INTS5: variants seen among roughly 807,000 people sequenced by gnomAD.
INTS5 encodes the protein integrator complex subunit 5.
INTS5 carries 29 observed loss-of-function variants against 60.0 expected under a neutral mutation model. That is an observed-to-expected ratio of 0.48 (90% confidence interval 0.36 to 0.66). The LOEUF (loss-of-function observed/expected upper bound fraction) is 0.66, where lower values mean the gene tolerates loss of function less well. INTS5 is among the 30% of genes least tolerant of loss of function. The pLI, the probability that INTS5 is intolerant of heterozygous loss-of-function variation, is 0.00. For synonymous variants in INTS5, 588 were observed against 558.8 expected, an observed-to-expected ratio of 1.05 and a Z score of -0.74; for missense variants, 1,129 against 1,307.9, an observed-to-expected ratio of 0.86 and a Z score of 2.11.
chr11:62,651,104 C>T (rs895590014), intron 1 of INTS5, among the ~76,000 whole-genome samples: 1 of 151,762 alleles, frequency 6.6e-6, no homozygotes, highest in Non-Finnish European at 1.5e-5. Context: ...TCAATAAAAG[C>T]TATGTTTCTT....
intron 1 of INTS5, among the ~76,000 whole-genome samples, chr11:62,652,717 T>C (rs1248312694): frequency 1.3e-5 from 2 of 152,160 alleles, no homozygotes; most frequent in Non-Finnish European, 2.9e-5. Context: ...CAGCATCCTC[T>C]AGGTGCTGAT....
chr11:62,650,576 C>T (rs1944585814), intron 1 of INTS5, among the ~76,000 whole-genome samples: 1 of 152,118 alleles, frequency 6.6e-6, no homozygotes, highest in Non-Finnish European at 1.5e-5. Context: ...CCATACCCGG[C>T]TAATTTTTGT....
chr11:62,647,781 G>C lies in INTS5; in HGVS notation c.2299C>G (p.Arg767Gly). Residue 767 changes from arginine (R) to glycine (G), a missense_variant, in exon 2 of 2, where the codon CGA (arginine) becomes GGA (glycine). Physicochemically the swap from Arg to Gly is moderately radical, Grantham distance 125. Transcript: ENST00000330574. ...GLKPPKFVQSRNQQEVIYNTQ... is the reference protein window; with the variant it reads ...GLKPPKFVQSGNQQEVIYNTQ... ...TTATAGATCACTTCCTGCTGATTTC[G>C]TGACTGGACAAACTTGGGTGGCTTT... The C allele has an allele frequency of 6.2e-7, 1 of 1,614,216 alleles. No homozygotes were observed. The highest frequency in any genetic ancestry group is 8.5e-7 in the Non-Finnish European group (1 of 1,180,054).
At position 62,648,233 on chromosome 11, in the gene INTS5, T is replaced by C; in HGVS notation, c.1847A>G (p.His616Arg). 1 of 1,613,718 alleles carries C rather than the reference T, an allele frequency of 6.2e-7. No homozygotes were observed. The highest frequency in any genetic ancestry group is 8.5e-7 in the Non-Finnish European group (1 of 1,179,954). ...AGCTTCAGCTACTTCCTCCTCAGGA[T>C]GTAGCAGGAGAGGAGCCAGGTCAGA... ...HLSDLAPLLL[H>R]PEEEVAEAAA... The change falls in exon 2 of 2, where the codon CAT becomes CGT. Residue 616 changes from histidine (H) to arginine (R), a missense_variant. Physicochemically the swap from His to Arg is conservative, Grantham distance 29. Around this residue, in one of 3 missense-constraint regions of INTS5, gnomAD observed 1,070 missense variants for 1,246.1 expected, o/e 0.86. Transcript: ENST00000330574. This position sits in a 1 kb window ranked among gnomAD's most constrained non-coding sequence, Gnocchi z 4.4.
At position 62,649,021 on chromosome 11, in the gene INTS5, G is replaced by T; in HGVS notation, c.1059C>A (p.Gly353=). 1.2e-6 allele frequency: 2 copies of T among 1,612,888 alleles called. No individual in the cohort carries two copies. The highest frequency in any genetic ancestry group is 1.7e-6 in the Non-Finnish European group (2 of 1,179,306). Residue 353 remains glycine, a synonymous_variant, in exon 2 of 2, where the codon GGC becomes GGA. Coordinates refer to ENST00000330574, the MANE Select transcript of INTS5 (RefSeq NM_030628.2). The surrounding 1 kb of genome is among the most constrained non-coding windows in gnomAD (Gnocchi z 6.0). ...QLAVMSPALL[G]TVSGELVDCL... ...AATCCACAAGCTCTCCAGAGACAGTGCCCAGCAAAGCTGGTGACATGACTG... is the reference window on the plus strand; with the variant it reads ...AATCCACAAGCTCTCCAGAGACAGTTCCCAGCAAAGCTGGTGACATGACTG...
At chr11:62,652,165 C>CAAAA (rs559845253) in intron 1 of INTS5, among the ~76,000 whole-genome samples, 1 of 131,046 alleles carries the variant, frequency 7.6e-6, no homozygotes, top group Non-Finnish European at 1.6e-5. Context: ...ATTAAAAATA[C>CAAAA]AAAAAAAAAA....
rs375771026 is a variant in INTS5, at chr11:62,648,962, T to C, written c.1118A>G (p.Gln373Arg). The C allele has an allele frequency of 3.7e-6, 6 of 1,612,552 alleles. No homozygotes were observed. The highest frequency in any genetic ancestry group is 5.1e-6 in the Non-Finnish European group (6 of 1,179,272). The stretch of plus-strand genomic sequence containing the variant: ...TCGGGGGAATCCTTGAAGGTGTTGC[T>C]GCAGCTGGCTCAGCACAGCTGGGGG... ...LKPPAVLSQL[Q>R]QHLQGFPREE... The change falls in exon 2 of 2, where the codon CAG becomes CGG. Residue 373 changes from glutamine (Q) to arginine (R), a missense_variant. Physicochemically the swap from Gln to Arg is conservative, Grantham distance 43. This residue lies in a region of INTS5 where 1,070 missense variants were observed against 1,246.1 expected (regional missense o/e 0.86). Transcript: ENST00000330574. This position sits in a 1 kb window ranked among gnomAD's most constrained non-coding sequence, Gnocchi z 4.4.
At chr11:62,653,105 C>T in intron 1 of INTS5, 65 bp downstream of exon 1, 1 of 1,034,336 alleles carries the variant, frequency 9.7e-7, no homozygotes, top group Non-Finnish European at 1.3e-6. Context: ...CGGGTTTCTA[C>T]CGAGAAGGCT....
In INTS5 at chr11:62,647,319, G is replaced by A; in HGVS notation, c.2761C>T (p.Pro921Ser). ...TCATGCATATTACCCAGGGCCGGAG[G>A]CAGGAGGCTTCCCTCAGCCATGACA... ...VAVMAEGSLL[P>S]PALGNMHEVF... Residue 921 changes from proline to serine, a missense_variant, in exon 2 of 2, where the codon CCT becomes TCT. This residue lies in a region of INTS5 where 1,070 missense variants were observed against 1,246.1 expected (regional missense o/e 0.86). Coordinates refer to ENST00000330574, the MANE Select transcript of INTS5 (RefSeq NM_030628.2). The A allele has an allele frequency of 6.2e-7, 1 of 1,614,130 alleles. No homozygotes were observed. Among genetic ancestry groups the A allele is most frequent in the Non-Finnish European group, 8.5e-7 (1 of 1,180,044 alleles).
At position 62,649,627 on chromosome 11, in the gene INTS5, G is replaced by C. The variant is rs754216072; in HGVS notation, c.453C>G (p.Leu151=). The part of the protein sequence containing the change: ...APVISAWSID[L]MGQLSSTYSG... Reference sequence around the variant, plus strand: ...AGTACGTGCTGCTCAGTTGCCCCATGAGGTCAATGGACCATGCACTAATCA... The same window carrying C: ...AGTACGTGCTGCTCAGTTGCCCCATCAGGTCAATGGACCATGCACTAATCA... Residue 151 remains leucine, a synonymous_variant, in exon 2 of 2, where the codon CTC becomes CTG. Coordinates refer to ENST00000330574, the MANE Select transcript of INTS5 (RefSeq NM_030628.2). This position sits in a 1 kb window ranked among gnomAD's most constrained non-coding sequence, Gnocchi z 6.0. 6.2e-7 allele frequency: 1 copy of C among 1,614,174 alleles called. No homozygotes were observed. Among genetic ancestry groups the C allele is most frequent in the Non-Finnish European group, 8.5e-7 (1 of 1,180,034 alleles).
rs1451627401 is a variant in INTS5, at chr11:62,649,618, T to C, written c.462A>G (p.Gln154=). The C allele has an allele frequency of 1.2e-6, 2 of 1,614,122 alleles. No individual in the cohort carries two copies. Among genetic ancestry groups the C allele is most frequent in the East Asian group, 2.2e-5 (1 of 44,880 alleles). Residue 154 remains glutamine, a synonymous_variant, in exon 2 of 2, where the codon CAA becomes CAG. Coordinates refer to ENST00000330574, the MANE Select transcript of INTS5 (RefSeq NM_030628.2). The surrounding 1 kb of genome is among the most constrained non-coding windows in gnomAD (Gnocchi z 6.0). The part of the protein sequence containing the change: ...ISAWSIDLMG[Q]LSSTYSGQHQ... ...GCTGGCCTGAGTACGTGCTGCTCAGTTGCCCCATGAGGTCAATGGACCATG... is the reference window on the plus strand; with the variant it reads ...GCTGGCCTGAGTACGTGCTGCTCAGCTGCCCCATGAGGTCAATGGACCATG...
chr11:62,648,338 A>T lies in INTS5; in HGVS notation c.1742T>A (p.Leu581Gln), dbSNP rs1406327894. 1 of 1,613,962 alleles carries T rather than the reference A, an allele frequency of 6.2e-7. No homozygotes were observed. Among genetic ancestry groups the T allele is most frequent in the Admixed American group, 1.7e-5 (1 of 60,018 alleles). The change falls in exon 2 of 2, where the codon CTA becomes CAA. Residue 581 changes from leucine (L) to glutamine (Q), a missense_variant. Leu to Gln is a moderately radical substitution (Grantham distance 113). Transcript: ENST00000330574. The surrounding 1 kb of genome is among the most constrained non-coding windows in gnomAD (Gnocchi z 4.4). ...GCCACCCTGCTGTTCCCACCCTACT[A>T]GCAGTGCCAAGTTGCGCAGGAACCG... is the stretch of plus-strand genomic sequence containing the variant. The part of the protein sequence containing the change: ...TARFLRNLAL[L>Q]VGWEQQGGEG...
Position 62,647,073 on chromosome 11 carries a change from A to C in INTS5, c.3007T>G (p.Ser1003Ala), listed in dbSNP as rs1262203392. Residue 1003 changes from serine to alanine, a missense_variant, in exon 2 of 2, where the codon TCT becomes GCT. Physicochemically the swap from Ser to Ala is moderately conservative, Grantham distance 99 (BLOSUM62 1). Around this residue, in one of 3 missense-constraint regions of INTS5, gnomAD observed 1,070 missense variants for 1,246.1 expected, o/e 0.86. Coordinates refer to ENST00000330574, the MANE Select transcript of INTS5 (RefSeq NM_030628.2). Reference sequence around the variant, plus strand: ...GGTGAAGGTGCCTGGAAACGGCCAGAGAAAAGACCTAGGCGGTCGATGTTG... The same window carrying C: ...GGTGAAGGTGCCTGGAAACGGCCAGCGAAAAGACCTAGGCGGTCGATGTTG... ...HRNIDRLGLFSGRFQAPSPST... is the reference protein window; with the variant it reads ...HRNIDRLGLFAGRFQAPSPST... 1 of 1,613,788 alleles carries C rather than the reference A, an allele frequency of 6.2e-7. No individual in the cohort carries two copies. Among genetic ancestry groups the C allele is most frequent in the Non-Finnish European group, 8.5e-7 (1 of 1,179,838 alleles).
chr11:62,651,418 G>A (rs1944591767), intron 1 of INTS5, among the ~76,000 whole-genome samples: 1 of 152,070 alleles, frequency 6.6e-6, no homozygotes, highest in Non-Finnish European at 1.5e-5. Context: ...CCGGCCAAAA[G>A]CTATGTTTCT....
rs1012702002 is a variant in INTS5 at position 62,653,244 on chromosome 11, G to A, written c.6C>T (p.Ser2=). The change falls in exon 1 of 2, where the codon TCC becomes TCT. Residue 2 remains serine (S), a synonymous_variant. Coordinates refer to ENST00000330574, the MANE Select transcript of INTS5 (RefSeq NM_030628.2). The stretch of plus-strand genomic sequence containing the variant: ...GGGCCCCGGGAGGGTCGCACAGCGC[G>A]GACATCCCGGAGCCCGAGCCGAGCC... M[S]ALCDPPGAPG... The A allele has an allele frequency of 3.1e-5, 38 of 1,243,404 alleles. No individual in the cohort carries two copies. The Admixed American group carries it at 1.5e-3, about 48-fold the overall frequency. The allele number at this position is 1,243,404 out of a possible 1,614,324, so 77.0% of individuals were successfully genotyped here. A position where few individuals can be genotyped will look rare whatever the true frequency, so the allele number is the denominator to read the frequency against.
chr11:62,648,997 A>C lies in INTS5; in HGVS notation c.1083T>G (p.Asp361Glu). The C allele has an allele frequency of 6.2e-7, 1 of 1,613,422 alleles. No homozygotes were observed. The highest frequency in any genetic ancestry group is 8.5e-7 in the Non-Finnish European group (1 of 1,179,772). Residue 361 changes from aspartate to glutamate, a missense_variant, in exon 2 of 2, where the codon GAT (aspartate) becomes GAG (glutamate). Around this residue, in one of 3 missense-constraint regions of INTS5, gnomAD observed 1,070 missense variants for 1,246.1 expected, o/e 0.86. Transcript: ENST00000330574. The surrounding 1 kb of genome is among the most constrained non-coding windows in gnomAD (Gnocchi z 4.4). ...TCAGCACAGCTGGGGGCTTGAGGCA[A>C]TCCACAAGCTCTCCAGAGACAGTGC... is the stretch of plus-strand genomic sequence containing the variant. ...LLGTVSGELV[D>E]CLKPPAVLSQ...
chr11:62,647,795 T>C lies in INTS5; in HGVS notation c.2285A>G (p.Lys762Arg). The change falls in exon 2 of 2, where the codon AAG becomes AGG. Residue 762 changes from lysine to arginine, a missense_variant. Coordinates refer to ENST00000330574, the MANE Select transcript of INTS5 (RefSeq NM_030628.2). ...CTGCTGATTTCGTGACTGGACAAAC[T>C]TGGGTGGCTTTAAGCCACGGCCGAT... The part of the protein sequence containing the change: ...GVIGRGLKPP[K>R]FVQSRNQQEV... The C allele has an allele frequency of 6.2e-7, 1 of 1,614,196 alleles. No individual in the cohort carries two copies. Among genetic ancestry groups the C allele is most frequent in the Non-Finnish European group, 8.5e-7 (1 of 1,180,040 alleles).
In INTS5 at chr11:62,647,183, C is replaced by A; in HGVS notation, c.2897G>T (p.Arg966Leu). Reference protein sequence around the residue: ...LPQKFIFQSERGRFIRDFSRE... With the variant: ...LPQKFIFQSELGRFIRDFSRE... ...GGAGAAGTCCCGAATGAAGCGACCC[C>A]GCTCTGATTGGAAGATGAACTTCTG... The change falls in exon 2 of 2, where the codon CGG (arginine) becomes CTG (leucine). Residue 966 changes from arginine (R) to leucine (L), a missense_variant. By Grantham distance (102) the Arg-to-Leu change is moderately radical (BLOSUM62 -2). Around this residue, in one of 3 missense-constraint regions of INTS5, gnomAD observed 1,070 missense variants for 1,246.1 expected, o/e 0.86. Transcript: ENST00000330574. 6.2e-7 allele frequency: 1 copy of A among 1,614,222 alleles called. No individual in the cohort carries two copies. Among genetic ancestry groups the A allele is most frequent in the Non-Finnish European group, 8.5e-7 (1 of 1,180,048 alleles).
intron 1 of INTS5, among the ~76,000 whole-genome samples, chr11:62,652,674 CCTTT>C (rs1279212252): frequency 2.0e-5 from 3 of 152,156 alleles, no homozygotes; most frequent in Non-Finnish European, 4.4e-5. Context: ...TGGCAAATCC[CCTTT>C]CTCTTATCGC....
Sources: gnomAD v4.1 joint callset for allele counts (sites outside exome capture counted in the v4.1 genomes callset) on GRCh38, gnomAD v4.1.1 for gene constraint, gnomAD v4.1.1 regional missense constraint, Gnocchi (gnomAD v3.1) non-coding constraint, MANE v1.5 for transcripts, NCBI Gene and HGNC (gene_info 2026-07-23, HGNC 2026-07-21) for gene names.